SLC39A11: variants seen among roughly 807,000 people sequenced by gnomAD.
SLC39A11 encodes zinc transporter ZIP11.
SLC39A11 carries 33 observed loss-of-function variants against 36.1 expected under a neutral mutation model. The ratio of observed to expected loss-of-function variants is 0.91; its 90% confidence interval spans 0.69 to 1.22. SLC39A11 has a LOEUF of 1.22. Ranked by LOEUF, SLC39A11 falls within the 50% of genes most tolerant of loss-of-function variation. The pLI is 0.00. For missense variants in SLC39A11, 432 were observed against 430.3 expected, an observed-to-expected ratio of 1.00 and a Z score of -0.03; for synonymous variants, 166 against 170.3, an observed-to-expected ratio of 0.97 and a Z score of 0.20.
At chr17:72,871,866 T>A (rs1364763164) in intron 5 of SLC39A11, among the ~76,000 whole-genome samples, 1 of 152,268 alleles carries the variant, frequency 6.6e-6, no homozygotes, top group South Asian at 2.1e-4. Flanking sequence ...AGAGCCTGGA[T>A]CTGTAATTGT....
At chr17:73,089,429 C>T (rs1050371847) in intron 1 of SLC39A11, among the ~76,000 whole-genome samples, 3 of 152,192 alleles carry the variant, frequency 2.0e-5, no homozygotes, top group Non-Finnish European at 4.4e-5. Context: ...CCTGTTCATG[C>T]AGTTCCCTCC....
chr17:73,036,239 T>C (rs2058910396), intron 3 of SLC39A11, among the ~76,000 whole-genome samples: 1 of 152,216 alleles, frequency 6.6e-6, no homozygotes, highest in African/African-American at 2.4e-5. Context: ...TTTCTTAAAC[T>C]TTATTTTTTA....
intron 4 of SLC39A11, among the ~76,000 whole-genome samples, chr17:72,997,719 G>A (rs543554049): frequency 7.0e-4 from 106 of 152,306 alleles, no homozygotes; most frequent in African/African-American, 2.4e-3. Flanking sequence ...TCTGTCCTGC[G>A]CAGAATGTGA....
chr17:72,833,420 TA>T (rs1344143785), intron 6 of SLC39A11, among the ~76,000 whole-genome samples: 1 of 151,952 alleles, frequency 6.6e-6, no homozygotes, highest in African/African-American at 2.4e-5. Context: ...AGCCAAAGAA[TA>T]AAAAAAGGTC....
At chr17:72,780,840 A>T (rs1341991443) in intron 6 of SLC39A11, among the ~76,000 whole-genome samples, 1 of 151,982 alleles carries the variant, frequency 6.6e-6, no homozygotes. Flanking sequence ...ATACAAAATT[A>T]GCTGGGCGTG....
In SLC39A11 at chr17:72,768,068, G is replaced by A. The variant is rs375466960; in HGVS notation, c.602-31349C>T. 5.3e-5 allele frequency among the ~76,000 whole-genome samples: 8 copies of A among 152,286 alleles called. No individual in the cohort carries two copies. In the South Asian group the frequency reaches 1.7e-3, roughly 32 times the overall value. ...CAAGGCTGTCCTCTTAAGCTGAGTT[G>A]CTCCCTGGTGGGGGCCACAGGAGCT... is the stretch of plus-strand genomic sequence containing the variant. On this transcript the variant is annotated intron_variant, in intron 6 of 9. Transcript: ENST00000255559.
At chr17:72,931,871 G>A (rs553758307) in intron 5 of SLC39A11, among the ~76,000 whole-genome samples, 3 of 152,264 alleles carry the variant, frequency 2.0e-5, no homozygotes, top group African/African-American at 7.2e-5. Context: ...CAAGGGGGAA[G>A]ATGAACAAAG....
chr17:72,963,812 G>A (rs1294522373), intron 4 of SLC39A11, among the ~76,000 whole-genome samples: 5 of 152,122 alleles, frequency 3.3e-5, no homozygotes, highest in Non-Finnish European at 1.5e-5. Flanking sequence ...GGCCTCAGGG[G>A]CAAAAGCAGC....
chr17:72,844,598 G>A (rs1034333556), intron 6 of SLC39A11, among the ~76,000 whole-genome samples: 9 of 152,320 alleles, frequency 5.9e-5, no homozygotes, highest in African/African-American at 2.2e-4. Context: ...GAACCCAGGA[G>A]GTGGAGGTTG....
chr17:72,717,928 TCCCTTCTTTCC>T (rs1239293796), intron 7 of SLC39A11, among the ~76,000 whole-genome samples: 1 of 152,168 alleles, frequency 6.6e-6, no homozygotes, highest in Non-Finnish European at 1.5e-5. Context: ...TCTGGAGTTT[TCCCTTCTTTCC>T]CCCTTCCTGC....
intron 4 of SLC39A11, among the ~76,000 whole-genome samples, chr17:73,014,852 C>T (rs1296827382): frequency 6.6e-6 from 1 of 152,122 alleles, no homozygotes; most frequent in Middle Eastern, 3.2e-3. Context: ...CTCATGTATT[C>T]GTGCGTGACA....
rs908423987 is a variant in SLC39A11, at chr17:72,649,079, G to C, written c.770+91C>G. 4 of 1,541,196 alleles carry C rather than the reference G, an allele frequency of 2.6e-6. No homozygotes were observed. In the African/African-American group the frequency reaches 5.5e-5, roughly 21 times the overall value. On this transcript the variant is annotated intron_variant, in intron 8 of 9. Coordinates refer to ENST00000255559, the MANE Select transcript of SLC39A11 (RefSeq NM_139177.4). ...GCATGCCATTCTACGTCATATCTGAGCATGGCAGTGCAAAAGCACATCACT... is the reference window on the plus strand; with the variant it reads ...GCATGCCATTCTACGTCATATCTGACCATGGCAGTGCAAAAGCACATCACT...
At chr17:72,987,744 T>C (rs1052231053) in intron 4 of SLC39A11, among the ~76,000 whole-genome samples, 1 of 152,162 alleles carries the variant, frequency 6.6e-6, no homozygotes, top group African/African-American at 2.4e-5. Context: ...CTCCAAAACT[T>C]CATGACACTT....
chr17:72,961,675 G>A (rs2086620478), intron 4 of SLC39A11, among the ~76,000 whole-genome samples: 1 of 152,062 alleles, frequency 6.6e-6, no homozygotes, highest in South Asian at 2.1e-4. Context: ...ACTCATAGGT[G>A]GGAATTGAAC....
chr17:72,742,499 C>T (rs774137744), intron 6 of SLC39A11, among the ~76,000 whole-genome samples: 17 of 152,112 alleles, frequency 1.1e-4, no homozygotes, highest in Admixed American at 6.5e-4. Flanking sequence ...CCATCAGTAA[C>T]GGTGGGTCTG....
Position 72,882,866 on chromosome 17 carries a change from A to G in SLC39A11, c.431-33062T>C, listed in dbSNP as rs569433571. On this transcript the variant is annotated intron_variant, in intron 5 of 9. Transcript: ENST00000255559. ...GGTTGGAGTGCAATGGCGCGATCTC[A>G]GCTCACCGCAACCTCTGTCTCCCAG... Among the ~76,000 whole-genome samples, 56 of 140,104 alleles carry G rather than the reference A, an allele frequency of 4.0e-4. No homozygotes were observed. In the South Asian group the frequency reaches 0.011, roughly 27 times the overall value. 91.9% of individuals were successfully genotyped at this position (140,104 alleles called of 152,430 possible). A position where few individuals can be genotyped will look rare whatever the true frequency, so the allele number is the denominator to read the frequency against.
At position 72,844,944 on chromosome 17, in the gene SLC39A11, C is replaced by T. The variant is rs139721074; in HGVS notation, c.601+4690G>A. On this transcript the variant is annotated intron_variant, in intron 6 of 9. Transcript: ENST00000255559. ...CCTGAAACCTCCGGGTCCCTCCTGG[C>T]TCCTCGCTTTCTCTCATATCCCACA... Among the ~76,000 whole-genome samples the T allele has an allele frequency of 4.1e-3, 628 of 152,306 alleles. 4 individuals are homozygous for T. The highest frequency in any genetic ancestry group is 0.014 in the Middle Eastern group (4 of 294).
chr17:72,726,655 T>G (rs955017477), intron 7 of SLC39A11, among the ~76,000 whole-genome samples: 5 of 152,208 alleles, frequency 3.3e-5, no homozygotes, highest in African/African-American at 1.2e-4. Flanking sequence ...CAGGAAAATA[T>G]GTCAAAATAT....
intron 5 of SLC39A11, among the ~76,000 whole-genome samples, chr17:72,904,610 T>C (rs2146992468): frequency 6.6e-6 from 1 of 152,298 alleles, no homozygotes; most frequent in Middle Eastern, 3.4e-3. Context: ...CCTTTGCCAC[T>C]GAAGGAATCC....
Sources: gnomAD v4.1 joint callset for allele counts (sites outside exome capture counted in the v4.1 genomes callset) on GRCh38, gnomAD v4.1.1 for gene constraint, MANE v1.5 for transcripts, NCBI Gene and HGNC (gene_info 2026-07-23, HGNC 2026-07-21) for gene names.